GCNT1: variants seen among roughly 807,000 people sequenced by gnomAD.
GCNT1 encodes the protein beta-1,3-galactosyl-O-glycosyl-glycoprotein beta-1,6-N-acetylglucosaminyltransferase.
A neutral mutation model predicts 26.2 loss-of-function variants in GCNT1; 16 were observed. That is an observed-to-expected ratio of 0.61 (90% CI 0.41 to 0.93). The LOEUF is 0.93. Among genes scored for constraint, GCNT1 ranks in the 40% least tolerant of loss-of-function variants. The probability of loss-of-function intolerance (pLI) is 0.00; values close to 1 mark genes in which losing one functional copy is unlikely to be tolerated. For missense variants in GCNT1, 477 were observed against 526.7 expected (o/e 0.91, Z 0.92); for synonymous variants, 183 against 190.8 (o/e 0.96, Z 0.34).
intron 1 of GCNT1, among the ~76,000 whole-genome samples, chr9:76,443,936 AG>A (rs771101762): frequency 0.07 from 3,907 of 55,658 alleles, 69 homozygotes; most frequent in African/African-American, 0.083. Flanking sequence ...GAAGAAAGGA[AG>A]GAAGGAAGGA....
rs768204015 is a variant in GCNT1, at chr9:76,421,855, G to A, written n.38+1968G>A. On this transcript the variant is annotated intron_variant and non_coding_transcript_variant, in intron 1 of 3. Transcript: ENST00000488136. ...ACTACACATGCAAGCCACCACACCC[G>A]ACTAATTTTTGTGTTTTTTGTAGAG... 2.0e-5 allele frequency among the ~76,000 whole-genome samples: 3 copies of A among 151,642 alleles called. 1 individual carries two copies. Among genetic ancestry groups the A allele is most frequent in the South Asian group, 4.2e-4 (2 of 4,810 alleles).
chr9:76,490,454 A>G (rs1824701715), intron 2 of GCNT1, among the ~76,000 whole-genome samples: 1 of 152,208 alleles, frequency 6.6e-6, no homozygotes, highest in African/African-American at 2.4e-5. Flanking sequence ...ACGTAGAGGT[A>G]TTAGTTGTAT....
intron 1 of GCNT1, among the ~76,000 whole-genome samples, chr9:76,428,836 G>A (rs1314102784): frequency 1.3e-5 from 2 of 151,874 alleles, no homozygotes; most frequent in African/African-American, 4.8e-5. Context: ...GAGTAGCTGG[G>A]ATTACAGGCA....
At chr9:76,475,046 G>A (rs1451584537) in intron 2 of GCNT1, among the ~76,000 whole-genome samples, 2 of 152,132 alleles carry the variant, frequency 1.3e-5, no homozygotes, top group Non-Finnish European at 2.9e-5. Flanking sequence ...TGAGTAGCTG[G>A]GATTACAGGT....
intron 3 of GCNT1, 34 bp from the exon 4 acceptor site, chr9:76,502,195 ATATATATATT>A (rs1564248148): frequency 6.5e-6 from 1 of 152,752 alleles, no homozygotes; most frequent in Non-Finnish European, 1.3e-5. Flanking sequence ...ATATATATAT[ATATATATATT>A]TATTTATATT....
upstream of GCNT1, among the ~76,000 whole-genome samples, chr9:76,440,285 C>T (rs1182806367): frequency 1.3e-5 from 2 of 152,114 alleles, no homozygotes; most frequent in African/African-American, 4.8e-5. Context: ...GTCTTAACCT[C>T]ACCTACTAGT....
chr9:76,490,430 A>G (rs1315774575), intron 2 of GCNT1, among the ~76,000 whole-genome samples: 1 of 152,174 alleles, frequency 6.6e-6, no homozygotes, highest in African/African-American at 2.4e-5. Context: ...AGCAGTGGCC[A>G]TTTCTAACCC....
the GCNT1 span, among the ~76,000 whole-genome samples, chr9:76,412,998 TTC>T: frequency 6.6e-6 from 1 of 152,330 alleles, no homozygotes; most frequent in African/African-American, 2.4e-5. Context: ...GGGTTCCTCA[TTC>T]TCTCTCTTGC....
chr9:76,485,713 T>C (rs1824553794), intron 2 of GCNT1, among the ~76,000 whole-genome samples: 1 of 151,102 alleles, frequency 6.6e-6, no homozygotes, highest in Non-Finnish European at 1.5e-5. Flanking sequence ...TTGGGTCCCT[T>C]GATTACTGGA....
intron 1 of GCNT1, among the ~76,000 whole-genome samples, chr9:76,435,203 T>C (rs113234158): frequency 0.087 from 13,231 of 152,070 alleles, 861 homozygotes; most frequent in African/African-American, 0.18. Context: ...CCTTTTAAAA[T>C]CCCTAATGAA....
At chr9:76,467,915 T>G (rs1156461332) in intron 2 of GCNT1, among the ~76,000 whole-genome samples, 1 of 138,346 alleles carries the variant, frequency 7.2e-6, no homozygotes, top group African/African-American at 2.8e-5. Flanking sequence ...TTTTTTTTTT[T>G]TTTTTTTTTT....
In GCNT1 at chr9:76,479,730, G is replaced by C. The variant is rs190910704; in HGVS notation, c.-290+19553G>C. The stretch of plus-strand genomic sequence containing the variant: ...GTTGTTTGTTTTTGTTTGTAAATTT[G>C]TTTGAGTTAGATTCTGGATATTAGC... On this transcript the variant is annotated intron_variant, in intron 2 of 3. Transcript: ENST00000376730. Among the ~76,000 whole-genome samples, 53 of 152,260 alleles carry C rather than the reference G, an allele frequency of 3.5e-4. No homozygotes were observed. In the East Asian group the frequency reaches 8.9e-3, roughly 26 times the overall value.
At chr9:76,424,180 T>C (rs1823232789) in intron 1 of GCNT1, among the ~76,000 whole-genome samples, 1 of 152,332 alleles carries the variant, frequency 6.6e-6, no homozygotes, top group East Asian at 1.9e-4. Flanking sequence ...TTTTGTTTAA[T>C]CTTATAAAAA....
At chr9:76,462,143 A>AT (rs11368049) in intron 2 of GCNT1, among the ~76,000 whole-genome samples, 50 of 148,118 alleles carry the variant, frequency 3.4e-4, no homozygotes, top group East Asian at 8.0e-4. Flanking sequence ...GCTATACTGT[A>AT]TTTTTTTTTT....
upstream of GCNT1, among the ~76,000 whole-genome samples, chr9:76,457,941 G>A (rs1823786581): frequency 1.3e-5 from 2 of 151,820 alleles, no homozygotes; most frequent in South Asian, 2.1e-4. Flanking sequence ...GTTTTTGTTG[G>A]GGGAGGCAGA....
At position 76,502,585 on chromosome 9, in the gene GCNT1, T is replaced by A; in HGVS notation, c.204T>A (p.Asn68Lys). Reference protein sequence around the residue: ...NCTKVLQGDVNEIQKVKLEIL... With the variant: ...NCTKVLQGDVKEIQKVKLEIL... ...CCAAAGTTTTACAGGGTGATGTAAATGAAATCCAAAAGGTAAAGCTTGAGA... is the reference window on the plus strand; with the variant it reads ...CCAAAGTTTTACAGGGTGATGTAAAAGAAATCCAAAAGGTAAAGCTTGAGA... Residue 68 changes from asparagine to lysine, a missense_variant, in exon 4 of 4, where the codon AAT (asparagine) becomes AAA (lysine). Asn to Lys is a moderately conservative substitution (Grantham distance 94). Transcript: ENST00000376730. The A allele has an allele frequency of 3.1e-6, 5 of 1,613,970 alleles. No homozygotes were observed. Among genetic ancestry groups the A allele is most frequent in the Non-Finnish European group, 4.2e-6 (5 of 1,179,898 alleles).
At chr9:76,452,251 GAACCACTGCACCTGGCCTGTAC>G (rs768494640) in intron 1 of GCNT1, among the ~76,000 whole-genome samples, 5 of 152,074 alleles carry the variant, frequency 3.3e-5, no homozygotes, top group Admixed American at 6.6e-5. Flanking sequence ...TTACAGGTGT[GAACCACTGCACCTGGCCTGTAC>G]AACTTTTCAG....
At chr9:76,397,452 T>A in the GCNT1 span, among the ~76,000 whole-genome samples, 45,237 of 151,428 alleles carry the variant, frequency 0.3, 7,488 homozygotes, top group Non-Finnish European at 0.38. Context: ...GAATTTTTTT[T>A]TTTTTTTTTG....
chr9:76,429,419 C>A, intron 1 of GCNT1, among the ~76,000 whole-genome samples: 1 of 152,160 alleles, frequency 6.6e-6, no homozygotes, highest in East Asian at 1.9e-4. Flanking sequence ...AATTTATACT[C>A]CCATTGTGTA....
Sources: gnomAD v4.1 joint callset for allele counts (sites outside exome capture counted in the v4.1 genomes callset) on GRCh38, gnomAD v4.1.1 for gene constraint, MANE v1.5 for transcripts, NCBI Gene and HGNC (gene_info 2026-07-23, HGNC 2026-07-21) for gene names.